The following NYAP2 variants were observed in gnomAD, a reference collection of about 807,000 sequenced individuals.
NYAP2 encodes neuronal tyrosine-phosphorylated phosphoinositide-3-kinase adapter 2.
Under a neutral mutation model 50.4 loss-of-function variants are expected in NYAP2, and 23 were observed. The observed-to-expected ratio is 0.46, with a 90% CI of 0.33 to 0.65. The LOEUF is 0.65. Among genes scored for constraint, NYAP2 ranks in the 30% least tolerant of loss-of-function variants. NYAP2 has a pLI of 0.02. For missense variants in NYAP2, 885 were observed against 861.0 expected (o/e 1.03, Z -0.35); for synonymous variants, 394 against 365.2 (o/e 1.08, Z -0.90).
At chr2:225,644,427 C>A (rs1401577110) in intron 6 of NYAP2, among the ~76,000 whole-genome samples, 2 of 151,452 alleles carry the variant, frequency 1.3e-5, no homozygotes, top group Admixed American at 1.3e-4. Flanking sequence ...TTTTGCTGTG[C>A]AGAAGCTCTT....
At chr2:225,602,948 A>G (rs1352203476) in intron 5 of NYAP2, among the ~76,000 whole-genome samples, 1 of 152,086 alleles carries the variant, frequency 6.6e-6, no homozygotes, top group African/African-American at 2.4e-5. Flanking sequence ...ATGAGATTCC[A>G]TATGAATTTT....
intron 3 of NYAP2, among the ~76,000 whole-genome samples, chr2:225,417,101 C>G (rs1192463119): frequency 6.6e-6 from 1 of 152,060 alleles, no homozygotes; most frequent in Non-Finnish European, 1.5e-5. Context: ...TAAAGATGGC[C>G]TTTGTAAAAT....
chr2:225,517,204 T>G (rs1171689672), intron 4 of NYAP2, among the ~76,000 whole-genome samples: 1 of 152,208 alleles, frequency 6.6e-6, no homozygotes, highest in East Asian at 1.9e-4. Context: ...TATATAGTGG[T>G]GAGCATAAAC....
intron 3 of NYAP2, among the ~76,000 whole-genome samples, chr2:225,492,498 A>G (rs1025985238): frequency 1.1e-4 from 16 of 152,338 alleles, no homozygotes; most frequent in African/African-American, 3.8e-4. Context: ...TGTATTTGGC[A>G]TAAATGTAAA....
intron 3 of NYAP2, among the ~76,000 whole-genome samples, chr2:225,462,398 T>G (rs143367134): frequency 1.3e-5 from 2 of 152,278 alleles, no homozygotes; most frequent in East Asian, 3.9e-4. Context: ...CCCATCATCA[T>G]TCCATCAAGA....
At chr2:225,666,941 G>T in the NYAP2 span, among the ~76,000 whole-genome samples, 1 of 148,232 alleles carries the variant, frequency 6.7e-6, no homozygotes, top group African/African-American at 2.5e-5. Context: ...AAAATATTTT[G>T]ACTTTCTTCT....
At chr2:225,498,386 G>A (rs1690544067) in intron 3 of NYAP2, among the ~76,000 whole-genome samples, 2 of 152,014 alleles carry the variant, frequency 1.3e-5, no homozygotes, top group Non-Finnish European at 2.9e-5. Flanking sequence ...GTAGTTTGAA[G>A]GGGAAAAGAC....
intron 5 of NYAP2, among the ~76,000 whole-genome samples, chr2:225,584,200 A>G (rs572197844): frequency 2.0e-5 from 3 of 152,360 alleles, no homozygotes; most frequent in Non-Finnish European, 2.9e-5. Context: ...TACCATTACT[A>G]TAAATGAACA....
intron 6 of NYAP2, among the ~76,000 whole-genome samples, chr2:225,627,659 AG>A (rs1693232505): frequency 6.6e-6 from 1 of 152,256 alleles, no homozygotes; most frequent in Admixed American, 6.5e-5. Context: ...CCCAAATCTA[AG>A]TCAAAGGAAA....
intron 4 of NYAP2, among the ~76,000 whole-genome samples, chr2:225,538,147 A>G (rs1339604962): frequency 6.6e-6 from 1 of 152,128 alleles, no homozygotes; most frequent in African/African-American, 2.4e-5. Flanking sequence ...CAGTTTTTCC[A>G]GGTGCATGGT....
At chr2:225,591,720 C>T (rs1426130294) in intron 5 of NYAP2, among the ~76,000 whole-genome samples, 1 of 152,116 alleles carries the variant, frequency 6.6e-6, no homozygotes, top group Non-Finnish European at 1.5e-5. Context: ...TTATTTGGCT[C>T]TAGAGTTTCT....
intron 4 of NYAP2, among the ~76,000 whole-genome samples, chr2:225,575,572 T>G (rs965784005): frequency 6.6e-6 from 1 of 152,172 alleles, no homozygotes; most frequent in Non-Finnish European, 1.5e-5. Flanking sequence ...TCATTATTGA[T>G]TCCATTTCTT....
At chr2:225,562,237 C>A (rs894854032) in intron 4 of NYAP2, among the ~76,000 whole-genome samples, 2 of 152,046 alleles carry the variant, frequency 1.3e-5, no homozygotes, top group African/African-American at 2.4e-5. Flanking sequence ...GGGCATATGA[C>A]AAATGACACA....
chr2:225,554,544 G>T (rs1264057192), intron 4 of NYAP2, among the ~76,000 whole-genome samples: 2 of 151,986 alleles, frequency 1.3e-5, no homozygotes, highest in Middle Eastern at 3.4e-3. Flanking sequence ...GGCTGATCTT[G>T]ATCTCCTGAC....
chr2:225,507,828 T>G (rs1189724505), intron 3 of NYAP2, among the ~76,000 whole-genome samples: 3 of 152,356 alleles, frequency 2.0e-5, no homozygotes, highest in African/African-American at 7.2e-5. Context: ...TGATACCAGT[T>G]TGACGGGGCC....
intron 3 of NYAP2, among the ~76,000 whole-genome samples, chr2:225,447,659 C>A (rs115777150): frequency 1.1e-4 from 16 of 152,074 alleles, no homozygotes; most frequent in African/African-American, 3.9e-4. Context: ...AAAAATCAAA[C>A]AAAATGATTA....
intron 3 of NYAP2, among the ~76,000 whole-genome samples, chr2:225,477,096 G>GTA (rs1217256697): frequency 3.9e-5 from 6 of 152,050 alleles, no homozygotes; most frequent in African/African-American, 1.2e-4. Context: ...CACTTGTGAG[G>GTA]TATATATATT....
At chr2:225,679,493 GTTTTTTTTTTT>G in the NYAP2 span, among the ~76,000 whole-genome samples, 1 of 103,884 alleles carries the variant, frequency 9.6e-6, no homozygotes, top group Non-Finnish European at 1.8e-5. Context: ...GCTTCTAATT[GTTTTTTTTTTT>G]TTTTTTTTTT....
At chr2:225,436,296 A>G (rs1689376037) in intron 3 of NYAP2, among the ~76,000 whole-genome samples, 1 of 152,216 alleles carries the variant, frequency 6.6e-6, no homozygotes, top group African/African-American at 2.4e-5. Context: ...TTATTGTCTC[A>G]CAATTCTCGA....
Sources: allele counts gnomAD v4.1 joint callset (sites outside exome capture counted in the v4.1 genomes callset), GRCh38; gene constraint gnomAD v4.1.1; transcripts MANE v1.5; gene names NCBI Gene and HGNC (gene_info 2026-07-23, HGNC 2026-07-21).